The following MTMR9 variants were observed in gnomAD, a reference collection of about 807,000 sequenced individuals.
The protein encoded by MTMR9 is myotubularin-related protein 9.
In MTMR9, 39 loss-of-function variants were observed where a neutral mutation model predicts 69.5. That is an observed-to-expected ratio of 0.56 (90% CI 0.43 to 0.73). The LOEUF (loss-of-function observed/expected upper bound fraction) is 0.73, where lower values mean the gene tolerates loss of function less well. Ranked by LOEUF, MTMR9 falls within the 30% of genes least tolerant of loss-of-function variation. MTMR9 has a pLI of 0.00. For synonymous variants in MTMR9, 354 were observed against 240.8 expected (o/e 1.47, Z -4.35); for missense variants, 900 against 671.2 (o/e 1.34, Z -3.77).
intron 5 of MTMR9, among the ~76,000 whole-genome samples, chr8:11,306,840 G>C (rs35392635): frequency 0.36 from 55,173 of 151,982 alleles, 11,288 homozygotes; most frequent in East Asian, 0.7. Flanking sequence ...TGATCAACAT[G>C]TCCCCATATC....
At chr8:11,291,114 A>G (rs1799367487) in intron 1 of MTMR9, among the ~76,000 whole-genome samples, 1 of 152,154 alleles carries the variant, frequency 6.6e-6, no homozygotes, top group African/African-American at 2.4e-5. Flanking sequence ...TTGGTGCAGT[A>G]CTATTAACTA....
chr8:11,295,124 C>T (rs947320542), intron 1 of MTMR9, 70 bp from the exon 2 acceptor site: 1 of 825,488 alleles, frequency 1.2e-6, no homozygotes, highest in Non-Finnish European at 1.9e-6. Context: ...ATTCTCTTTT[C>T]AAAGAAATAA....
the MTMR9 span, among the ~76,000 whole-genome samples, chr8:11,337,142 G>A: frequency 4.6e-5 from 7 of 152,104 alleles, no homozygotes; most frequent in East Asian, 1.9e-4. Context: ...TCACTAGATC[G>A]CTGAGTAGCA....
intron 9 of MTMR9, chr8:11,320,421 TATTA>T (rs1028571604): frequency 6.6e-6 from 1 of 152,222 alleles, no homozygotes; most frequent in Non-Finnish European, 1.5e-5. Flanking sequence ...TATGGAAGCT[TATTA>T]ATTAAAACAT....
chr8:11,287,940 A>G (rs1419264495), intron 1 of MTMR9, among the ~76,000 whole-genome samples: 1 of 127,512 alleles, frequency 7.8e-6, no homozygotes, highest in African/African-American at 3.0e-5. Context: ...AATATGTGTT[A>G]TATATCATAC....
chr8:11,301,956 TA>T (rs1211725909), intron 3 of MTMR9, among the ~76,000 whole-genome samples: 1 of 151,982 alleles, frequency 6.6e-6, no homozygotes, highest in Non-Finnish European at 1.5e-5. Context: ...CATGGGAGTT[TA>T]GGATAAAAGA....
chr8:11,320,851 C>T (rs76380419), intron 9 of MTMR9: 12,426 of 152,288 alleles, frequency 0.082, 810 homozygotes, highest in Admixed American at 0.2. Context: ...AATAAGCACA[C>T]ATTTATTCAT....
At chr8:11,285,967 T>C (rs1430251054) in intron 1 of MTMR9, among the ~76,000 whole-genome samples, 1 of 145,420 alleles carries the variant, frequency 6.9e-6, no homozygotes, top group Non-Finnish European at 1.5e-5. Flanking sequence ...TTTTTTTTTT[T>C]TTTGGAGACG....
At chr8:11,318,889 T>G (rs1800540665) in intron 8 of MTMR9, 1 of 152,066 alleles carries the variant, frequency 6.6e-6, no homozygotes, top group Admixed American at 6.5e-5. Context: ...CCACTTTTAA[T>G]ATTAGTATGG....
chr8:11,285,221 T>C (rs1799105117), intron 1 of MTMR9, 151 bp downstream of exon 1: 4 of 743,392 alleles, frequency 5.4e-6, no homozygotes, highest in Non-Finnish European at 8.3e-6. Context: ...TTTACCAAGC[T>C]GAAACCCGTC....
At chr8:11,316,284 A>AC (rs1250354022) in intron 7 of MTMR9, 8 of 153,996 alleles carry the variant, frequency 5.2e-5, no homozygotes, top group African/African-American at 2.1e-4. Context: ...CTACAGTGTT[A>AC]GACAGAGGTG....
chr8:11,286,185 C>G (rs1799148720), intron 1 of MTMR9, among the ~76,000 whole-genome samples: 1 of 151,716 alleles, frequency 6.6e-6, no homozygotes, highest in Admixed American at 6.6e-5. Context: ...AACTCCTGAC[C>G]TCGCAATCCT....
At chr8:11,321,300 G>T (rs1374033998) in intron 9 of MTMR9, 1 of 390,330 alleles carries the variant, frequency 2.6e-6, no homozygotes, top group Non-Finnish European at 5.2e-6. Flanking sequence ...TTTCGTGATT[G>T]TCGTCACAGT....
chr8:11,305,801 G>T (rs1799918200), intron 4 of MTMR9, among the ~76,000 whole-genome samples: 1 of 152,172 alleles, frequency 6.6e-6, no homozygotes, highest in Non-Finnish European at 1.5e-5. Context: ...TCTTATAATT[G>T]TTGTTAAAAC....
intron 1 of MTMR9, among the ~76,000 whole-genome samples, chr8:11,291,903 C>A (rs989126900): frequency 7.3e-6 from 1 of 137,842 alleles, no homozygotes; most frequent in Non-Finnish European, 1.5e-5. Flanking sequence ...GAGGTACAGT[C>A]GACGTATTAC....
chr8:11,330,117 C>A (rs1300435838), downstream of MTMR9, among the ~76,000 whole-genome samples: 1 of 151,222 alleles, frequency 6.6e-6, no homozygotes, highest in African/African-American at 2.4e-5. Flanking sequence ...GAGGTCAGCC[C>A]CCGCCCGGCC....
downstream of MTMR9, among the ~76,000 whole-genome samples, chr8:11,329,932 C>CGGG (rs1801132336): frequency 6.6e-6 from 1 of 151,838 alleles, no homozygotes; most frequent in Non-Finnish European, 1.5e-5. Flanking sequence ...GGCTGCGACC[C>CGGG]CGTCTGGGAG....
chr8:11,285,099 A>G (rs1275351555), intron 1 of MTMR9, 29 bp downstream of exon 1: 5 of 1,529,258 alleles, frequency 3.3e-6, no homozygotes, highest in Non-Finnish European at 3.5e-6. Context: ...CCAGCTCCGC[A>G]GGGAGCCGGG....
intron 1 of MTMR9, 107 bp downstream of exon 1, chr8:11,285,177 G>A (rs1017627784): frequency 2.7e-6 from 3 of 1,119,210 alleles, no homozygotes; most frequent in Non-Finnish European, 3.7e-6. Flanking sequence ...CCAGCTAGCC[G>A]GCAAGATGAG....
Sources: gnomAD v4.1 joint callset for allele counts (sites outside exome capture counted in the v4.1 genomes callset) on GRCh38, gnomAD v4.1.1 for gene constraint, MANE v1.5 for transcripts, NCBI Gene and HGNC (gene_info 2026-07-23, HGNC 2026-07-21) for gene names.